CNOT9: variants seen among roughly 807,000 people sequenced by gnomAD.
CNOT9 encodes RCD1 required for cell differentiation1 homolog.
Under a neutral mutation model 37.4 loss-of-function variants are expected in CNOT9, and 8 were observed. The observed-to-expected ratio is 0.21, with a 90% CI of 0.13 to 0.39. The LOEUF is 0.39. Ranked by LOEUF, CNOT9 falls within the 10% of genes least tolerant of loss-of-function variation. The pLI, the probability that CNOT9 is intolerant of heterozygous loss-of-function variation, is 1.00. For missense variants in CNOT9, 154 were observed against 365.3 expected, an observed-to-expected ratio of 0.42 and a Z score of 4.71; for synonymous variants, 120 against 137.6, an observed-to-expected ratio of 0.87 and a Z score of 0.90.
chr2:218,582,364 GA>G (rs1157476272), intron 2 of CNOT9, among the ~76,000 whole-genome samples: 1 of 152,124 alleles, frequency 6.6e-6, no homozygotes, highest in African/African-American at 2.4e-5. Context: ...GAGAATATAA[GA>G]GGAAGTGTAG....
rs910464156 is a variant in CNOT9 at position 218,594,817 on chromosome 2, C to G, written c.*541C>G. 6.5e-6 allele frequency: 1 copy of G among 152,876 alleles called. No homozygotes were observed. Among genetic ancestry groups the G allele is most frequent in the South Asian group, 2.1e-4 (1 of 4,848 alleles). 9.5% of individuals were successfully genotyped at this position (152,876 alleles called of 1,614,324 possible). A position where few individuals can be genotyped will look rare whatever the true frequency, so the allele number is the denominator to read the frequency against. On this transcript the variant is annotated 3_prime_UTR_variant, in exon 8 of 8. Transcript: ENST00000273064. Reference sequence around the variant, plus strand: ...GCACAAGCTGTAATATTCAGCAAAACTTTGTCGACTGGCACTGTTTACAAG... The same window carrying G: ...GCACAAGCTGTAATATTCAGCAAAAGTTTGTCGACTGGCACTGTTTACAAG...
chr2:218,577,611 C>A (rs1286523775), intron 1 of CNOT9, among the ~76,000 whole-genome samples: 1 of 152,214 alleles, frequency 6.6e-6, no homozygotes, highest in African/African-American at 2.4e-5. Flanking sequence ...GCAGGGCCAT[C>A]TTCTCTGTGG....
chr2:218,586,266 T>G (rs1472519631), intron 4 of CNOT9, among the ~76,000 whole-genome samples: 1 of 152,144 alleles, frequency 6.6e-6, no homozygotes, highest in East Asian at 1.9e-4. Context: ...TACCCCCTCA[T>G]GTCATGGTAT....
In CNOT9 at chr2:218,582,952, G is replaced by C. The variant is rs752357454; in HGVS notation, c.205-19G>C. On this transcript the variant is annotated intron_variant, in intron 2 of 7. Transcript: ENST00000273064. ...TTTAGTTATTCCTTATTCATCTGAT[G>C]CTGATTTCCATTTTTTAGGAAATTG... 8 of 1,372,678 alleles carry C rather than the reference G, an allele frequency of 5.8e-6. No individual in the cohort carries two copies. The highest frequency in any genetic ancestry group is 7.2e-6 in the Non-Finnish European group (7 of 966,288). The allele number at this position is 1,372,678 out of a possible 1,614,324, so 85.0% of individuals were successfully genotyped here.
At chr2:218,583,680 C>G (rs1694492887) in intron 3 of CNOT9, among the ~76,000 whole-genome samples, 1 of 152,106 alleles carries the variant, frequency 6.6e-6, no homozygotes, top group South Asian at 2.1e-4. Context: ...CTTATTAAAG[C>G]CTTTCCTCTT....
chr2:218,574,628 C>T (rs542672977), intron 1 of CNOT9, among the ~76,000 whole-genome samples: 19 of 152,232 alleles, frequency 1.2e-4, no homozygotes, highest in Admixed American at 9.8e-4. Context: ...CATTAAACCT[C>T]TATTAACCTG....
At position 218,596,837 on chromosome 2, in the gene CNOT9, A is replaced by T. The variant is rs1314873973; in HGVS notation, c.*2561A>T. 6.6e-6 allele frequency: 1 copy of T among 152,234 alleles called. No individual in the cohort carries two copies. Among genetic ancestry groups the T allele is most frequent in the African/African-American group, 2.4e-5 (1 of 41,460 alleles). The allele number at this position is 152,234 out of a possible 1,614,324, so 9.4% of individuals were successfully genotyped here. On this transcript the variant is annotated 3_prime_UTR_variant, in exon 8 of 8. Transcript: ENST00000273064. The stretch of plus-strand genomic sequence containing the variant: ...AGTTCAAGGCTTGGAGCACATCTCC[A>T]GGATTGTTTCCATGCCTGGCTGTCA...
chr2:218,575,286 C>G (rs1279607741), intron 1 of CNOT9, among the ~76,000 whole-genome samples: 1 of 151,908 alleles, frequency 6.6e-6, no homozygotes, highest in Non-Finnish European at 1.5e-5. Context: ...ATTGCAGGAA[C>G]TCTGTGAACT....
At chr2:218,587,795 T>C (rs530750718) in intron 5 of CNOT9, 100 bp downstream of exon 5, 20 of 514,950 alleles carry the variant, frequency 3.9e-5, no homozygotes, top group South Asian at 1.4e-4. Context: ...GAAATTTGTA[T>C]GAATATTTTC....
intron 2 of CNOT9, among the ~76,000 whole-genome samples, chr2:218,582,091 A>G (rs77761221): frequency 2.8e-4 from 14 of 49,576 alleles, no homozygotes; most frequent in Non-Finnish European, 8.9e-4. Context: ...AAAAAAAAAG[A>G]AAAAAAATGT....
intron 1 of CNOT9, chr2:218,574,010 C>G: frequency 2.3e-6 from 1 of 428,636 alleles, no homozygotes; most frequent in Non-Finnish European, 4.7e-6. Flanking sequence ...CGCTTTGTTA[C>G]CCAGGCTGGA....
intron 1 of CNOT9, among the ~76,000 whole-genome samples, chr2:218,572,016 A>C (rs1459410936): frequency 1.3e-5 from 2 of 152,054 alleles, no homozygotes; most frequent in Non-Finnish European, 2.9e-5. Flanking sequence ...TATTCTAAAG[A>C]TTAAGTAAGA....
chr2:218,583,191 G>C, intron 3 of CNOT9, 105 bp downstream of exon 3: 1 of 468,256 alleles, frequency 2.1e-6, no homozygotes. Flanking sequence ...GAGAGAGAAC[G>C]TTTGTGTGTG....
chr2:218,584,808 G>A, intron 4 of CNOT9, 87 bp downstream of exon 4: 1 of 906,882 alleles, frequency 1.1e-6, no homozygotes, highest in South Asian at 1.3e-5. Context: ...TATGATTTTT[G>A]TACACCAGTC....
chr2:218,582,413 G>A (rs1354292290), intron 2 of CNOT9, among the ~76,000 whole-genome samples: 1 of 152,168 alleles, frequency 6.6e-6, no homozygotes, highest in African/African-American at 2.4e-5. Flanking sequence ...TTCCTAGGCC[G>A]GGCGCAGTGG....
intron 1 of CNOT9, among the ~76,000 whole-genome samples, chr2:218,570,313 C>T (rs1276083189): frequency 2.6e-5 from 4 of 152,146 alleles, no homozygotes; most frequent in Non-Finnish European, 5.9e-5. Context: ...AAATAAAGCA[C>T]CAAAAATTGC....
chr2:218,593,229 A>G (rs994171347), intron 7 of CNOT9, among the ~76,000 whole-genome samples: 3 of 152,206 alleles, frequency 2.0e-5, no homozygotes, highest in African/African-American at 7.2e-5. Flanking sequence ...TCCATAATTC[A>G]TGCTGAAAGC....
chr2:218,576,967 A>C (rs1164309697), intron 1 of CNOT9, among the ~76,000 whole-genome samples: 1 of 23,130 alleles, frequency 4.3e-5, no homozygotes, highest in Non-Finnish European at 1.0e-4. Context: ...GCTCCATCTC[A>C]AAAAAAAAAA....
intron 4 of CNOT9, 158 bp from the exon 5 acceptor site, chr2:218,587,427 CT>C (rs61564091): frequency 0.058 from 47,504 of 819,730 alleles, 579 homozygotes; most frequent in African/African-American, 0.16. Context: ...CGCCCTCTTC[CT>C]TTTTTTTTTT....
Sources: allele counts gnomAD v4.1 joint callset (sites outside exome capture counted in the v4.1 genomes callset), GRCh38; gene constraint gnomAD v4.1.1; transcripts MANE v1.5; gene names NCBI Gene and HGNC (gene_info 2026-07-23, HGNC 2026-07-21).